The following HMCN1 variants were observed in gnomAD, a reference collection of about 807,000 sequenced individuals.
HMCN1 encodes hemicentin 1.
In HMCN1, 321 loss-of-function variants were observed where a neutral mutation model predicts 625.9. The observed-to-expected ratio is 0.51, with a 90% CI of 0.47 to 0.56. The LOEUF is 0.56. HMCN1 is among the 20% of genes least tolerant of loss of function. The pLI, the probability that HMCN1 is intolerant of heterozygous loss-of-function variation, is 0.00. For synonymous variants in HMCN1, 2,425 were observed against 2,417.6 expected (o/e 1.00, Z -0.09); for missense variants, 6,588 against 6,887.3 (o/e 0.96, Z 1.54).
intron 1 of HMCN1, among the ~76,000 whole-genome samples, chr1:185,805,447 T>C (rs1384394483): frequency 6.6e-6 from 1 of 152,166 alleles, no homozygotes; most frequent in Non-Finnish European, 1.5e-5. Flanking sequence ...TAGGTAGAGA[T>C]GACAATTTGG....
At chr1:186,058,148 G>T (rs1478815442) in intron 46 of HMCN1, among the ~76,000 whole-genome samples, 1 of 151,912 alleles carries the variant, frequency 6.6e-6, no homozygotes, top group African/African-American at 2.4e-5. Flanking sequence ...GTTAAGTAAG[G>T]CTCATGATGG....
At chr1:186,157,575 C>T (rs1055898654) in intron 97 of HMCN1, among the ~76,000 whole-genome samples, 22 of 151,988 alleles carry the variant, frequency 1.4e-4, no homozygotes, top group Non-Finnish European at 2.1e-4. Flanking sequence ...CATGCTGGTG[C>T]GCTGCACCCA....
In HMCN1 at chr1:186,129,421, TA is replaced by T. The variant is rs1661810720; in HGVS notation, c.12905-543del. 2.0e-5 allele frequency among the ~76,000 whole-genome samples: 3 copies of T among 151,828 alleles called. No homozygotes were observed. In the South Asian group the frequency reaches 6.2e-4, roughly 31 times the overall value. ...ATATATGCCTTTGTAAATATTTATA[TA>T]ATCACCATTTATGATTTACAGAGAA... On this transcript the variant is annotated intron_variant, in intron 83 of 106. Coordinates refer to ENST00000271588, the MANE Select transcript of HMCN1 (RefSeq NM_031935.3).
chr1:186,062,061 G>A, intron 47 of HMCN1, 97 bp downstream of exon 47: 5 of 742,172 alleles, frequency 6.7e-6, no homozygotes, highest in Non-Finnish European at 1.2e-5. Flanking sequence ...TCATACCTGT[G>A]TTATTTAGAC....
At chr1:185,865,919 A>T in intron 4 of HMCN1, 56 bp downstream of exon 4, 3 of 1,575,706 alleles carry the variant, frequency 1.9e-6, no homozygotes, top group Non-Finnish European at 2.6e-6. Context: ...AAAATCAGTT[A>T]GGCCAGCCTA....
chr1:185,890,522 G>A (rs543008933), intron 4 of HMCN1, among the ~76,000 whole-genome samples: 1,817 of 138,226 alleles, frequency 0.013, 16 homozygotes, highest in African/African-American at 0.057. Context: ...CTTTGTTCTC[G>A]TTGGTTTCAA....
At chr1:185,819,185 G>A (rs773495155) in intron 1 of HMCN1, among the ~76,000 whole-genome samples, 6 of 150,714 alleles carry the variant, frequency 4.0e-5, no homozygotes, top group Admixed American at 1.3e-4. Context: ...TGCAGTGAGC[G>A]GAGATCGCAC....
chr1:186,023,237 TA>T (rs1654835805), intron 36 of HMCN1, 84 bp downstream of exon 36: 2 of 1,242,992 alleles, frequency 1.6e-6, no homozygotes, highest in Non-Finnish European at 2.3e-6. Flanking sequence ...TGAATTACAG[TA>T]TAAAAGAAAC....
intron 36 of HMCN1, among the ~76,000 whole-genome samples, chr1:186,037,166 T>C (rs947676952): frequency 3.9e-5 from 6 of 152,086 alleles, no homozygotes; most frequent in African/African-American, 1.4e-4. Context: ...GTTTTTTTTT[T>C]CTATCAACTT....
At chr1:186,005,488 TTA>T (rs1399480999) in intron 29 of HMCN1, among the ~76,000 whole-genome samples, 1 of 151,330 alleles carries the variant, frequency 6.6e-6, no homozygotes, top group African/African-American at 2.4e-5. Context: ...TTTAAATTGT[TTA>T]TAAATGTTTA....
At chr1:185,828,938 CT>C (rs1408700602) in intron 1 of HMCN1, among the ~76,000 whole-genome samples, 2 of 151,880 alleles carry the variant, frequency 1.3e-5, no homozygotes, top group Non-Finnish European at 2.9e-5. Context: ...CAAAATTAAC[CT>C]ATGCAAAGCA....
chr1:186,144,925 C>G lies in HMCN1; in HGVS notation c.14266+222C>G, dbSNP rs570645593. Reference sequence around the variant, plus strand: ...TTCACTTGCTCTATATAGGACTAGCCCCAGAGTATAAGAATGAGAGCACCC... The same window carrying G: ...TTCACTTGCTCTATATAGGACTAGCGCCAGAGTATAAGAATGAGAGCACCC... On this transcript the variant is annotated intron_variant, in intron 91 of 106. Transcript: ENST00000271588. Among the ~76,000 whole-genome samples, 8 of 152,240 alleles carry G rather than the reference C, an allele frequency of 5.3e-5. No individual in the cohort carries two copies. In the East Asian group the frequency reaches 1.4e-3, roughly 26 times the overall value.
At chr1:186,153,720 T>A in intron 96 of HMCN1, 30 bp from the exon 97 acceptor site, 1 of 1,585,366 alleles carries the variant, frequency 6.3e-7, no homozygotes, top group Non-Finnish European at 8.7e-7. Flanking sequence ...TGAGCCATAT[T>A]GATCTTCAAA....
Position 186,145,484 on chromosome 1 carries a change from C to T in HMCN1, c.14348C>T (p.Thr4783Ile), listed in dbSNP as rs750188121. Residue 4783 changes from threonine (T) to isoleucine (I), a missense_variant, in exon 92 of 107, where the codon ACA (threonine) becomes ATA (isoleucine). Coordinates refer to ENST00000271588, the MANE Select transcript of HMCN1 (RefSeq NM_031935.3). The stretch of plus-strand genomic sequence containing the variant: ...GGAGGGCAGATGCGGCGGTACCGCA[C>T]ATGTGATAACCCTCCTCCCTCCAAT... ...CNGGQMRRYR[T>I]CDNPPPSNGG... is the part of the protein sequence containing the mutation. The T allele has an allele frequency of 3.7e-6, 6 of 1,613,660 alleles. No individual in the cohort carries two copies. Among genetic ancestry groups the T allele is most frequent in the Non-Finnish European group, 5.1e-6 (6 of 1,179,862 alleles).
Position 185,982,229 on chromosome 1 carries a change from A to G in HMCN1, c.2663-33A>G. 1.2e-6 allele frequency: 2 copies of G among 1,612,000 alleles called. 1 individual carries two copies. The highest frequency in any genetic ancestry group is 2.2e-5 in the South Asian group (2 of 91,040). ...CTTACCTTTCTTTTGGGTGAAATAGAGTTGAAAGTGCCTGTGCTCTCTCTT... is the reference window on the plus strand; with the variant it reads ...CTTACCTTTCTTTTGGGTGAAATAGGGTTGAAAGTGCCTGTGCTCTCTCTT... On this transcript the variant is annotated intron_variant, in intron 17 of 106. Transcript: ENST00000271588.
chr1:186,136,793 A>G lies in HMCN1; in HGVS notation c.13438A>G (p.Ile4480Val), dbSNP rs1187969026. The G allele has an allele frequency of 4.3e-6, 7 of 1,613,870 alleles. No individual in the cohort carries two copies. Among genetic ancestry groups the G allele is most frequent in the Non-Finnish European group, 5.9e-6 (7 of 1,179,964 alleles). ...TITWSRQGHS[I>V]SWDDRVNVLS... ...TACATGGTCCCGTCAAGGGCACTCT[A>G]TTTCCTGGGATGACCGGGTTAACGT... is the stretch of plus-strand genomic sequence containing the variant. Residue 4480 changes from isoleucine to valine, a missense_variant, in exon 87 of 107, where the codon ATT (isoleucine) becomes GTT (valine). Ile to Val is a conservative substitution (Grantham distance 29). This residue lies in a region of HMCN1 where 1,954 missense variants were observed against 2,013.1 expected (regional missense o/e 0.97). Coordinates refer to ENST00000271588, the MANE Select transcript of HMCN1 (RefSeq NM_031935.3).
intron 1 of HMCN1, among the ~76,000 whole-genome samples, chr1:185,771,447 TG>T (rs1656236825): frequency 6.6e-6 from 1 of 152,228 alleles, no homozygotes; most frequent in African/African-American, 2.4e-5. Flanking sequence ...CTCTAAAACA[TG>T]CAGAGAGTTG....
At chr1:186,188,133 T>C (rs1653471248) in intron 106 of HMCN1, 124 bp downstream of exon 106, 1 of 1,173,202 alleles carries the variant, frequency 8.5e-7, no homozygotes. Context: ...CAGGAAGATG[T>C]GGGGTTACAG....
intron 2 of HMCN1, among the ~76,000 whole-genome samples, chr1:185,863,290 A>AT (rs1662985245): frequency 6.6e-6 from 1 of 152,128 alleles, no homozygotes; most frequent in African/African-American, 2.4e-5. Flanking sequence ...AGGACAAGGT[A>AT]TTTTAGCTTA....
Sources: allele counts gnomAD v4.1 joint callset (sites outside exome capture counted in the v4.1 genomes callset), GRCh38; gene constraint gnomAD v4.1.1; regional missense constraint gnomAD v4.1.1; transcripts MANE v1.5; gene names NCBI Gene and HGNC (gene_info 2026-07-23, HGNC 2026-07-21).